KIAA0825: variants seen among roughly 807,000 people sequenced by gnomAD.
KIAA0825 encodes the protein KIAA0825, also known as uncharacterized protein KIAA0825.
A neutral mutation model predicts 147.6 loss-of-function variants in KIAA0825; 119 were observed. The ratio of observed to expected loss-of-function variants is 0.81; its 90% CI spans 0.69 to 0.94. KIAA0825 has a LOEUF of 0.94. Ranked by LOEUF, KIAA0825 falls within the 40% of genes least tolerant of loss-of-function variation. The pLI is 0.00. For missense variants in KIAA0825, 1,381 were observed against 1,472.7 expected (o/e 0.94, Z 1.02); for synonymous variants, 470 against 518.1 (o/e 0.91, Z 1.26).
chr5:94,459,812 G>A (rs1354014086), intron 12 of KIAA0825, among the ~76,000 whole-genome samples: 4 of 151,770 alleles, frequency 2.6e-5, no homozygotes, highest in South Asian at 4.2e-4. Context: ...CAAAACATTC[G>A]GGTAAATATA....
At chr5:94,215,293 A>G (rs533678992) in intron 20 of KIAA0825, among the ~76,000 whole-genome samples, 21 of 152,340 alleles carry the variant, frequency 1.4e-4, no homozygotes, top group African/African-American at 3.8e-4. Flanking sequence ...CCAAGTGTGC[A>G]TAATGCAGAA....
intron 20 of KIAA0825, among the ~76,000 whole-genome samples, chr5:94,367,366 C>T (rs547782525): frequency 6.6e-6 from 1 of 152,074 alleles, no homozygotes; most frequent in Non-Finnish European, 1.5e-5. Flanking sequence ...GACGTGGTGG[C>T]GGGCGCCTGT....
intron 2 of KIAA0825, among the ~76,000 whole-genome samples, chr5:94,553,691 G>C (rs1333340088): frequency 1.3e-5 from 2 of 151,604 alleles, no homozygotes; most frequent in Non-Finnish European, 2.9e-5. Context: ...GCTTGAACCT[G>C]GGAGGCGGAG....
At chr5:94,562,242 T>A (rs1028238158) in intron 2 of KIAA0825, among the ~76,000 whole-genome samples, 3 of 152,264 alleles carry the variant, frequency 2.0e-5, no homozygotes, top group Non-Finnish European at 4.4e-5. Flanking sequence ...AATAGAAGTA[T>A]AATTTGTCAG....
At chr5:94,617,851 G>C (rs1790979894) in intron 1 of KIAA0825, 2 of 152,196 alleles carry the variant, frequency 1.3e-5, no homozygotes, top group African/African-American at 4.8e-5. Context: ...AAAGCCTGGA[G>C]CAGAACGCAA....
chr5:94,337,921 C>T (rs1383389359), intron 20 of KIAA0825, among the ~76,000 whole-genome samples: 6 of 152,152 alleles, frequency 3.9e-5, no homozygotes, highest in Admixed American at 3.3e-4. Flanking sequence ...CTGGATAGGA[C>T]CTGGGTAGAC....
rs376255027 is a variant in KIAA0825 at position 94,403,782 on chromosome 5, C to T, written c.2674G>A (p.Val892Met). The change falls in exon 16 of 21, where the codon GTG (valine) becomes ATG (methionine). Residue 892 changes from valine (V) to methionine (M), a missense_variant. Physicochemically the swap from Val to Met is conservative, Grantham distance 21 (BLOSUM62 1). Transcript: ENST00000682413. ...CGGATGACCTCTAGCTCGTACTCCA[C>T]GCACGTTGAGACTTTAAAATCAGAT... ...FLYNIPVSTCVEYELEVIRCL... is the reference protein window; with the variant it reads ...FLYNIPVSTCMEYELEVIRCL... 1.7e-4 allele frequency: 267 copies of T among 1,551,210 alleles called. No individual in the cohort carries two copies. Among genetic ancestry groups the T allele is most frequent in the Non-Finnish European group, 2.0e-4 (235 of 1,146,786 alleles).
At chr5:94,357,202 T>G (rs1784384159) in intron 20 of KIAA0825, among the ~76,000 whole-genome samples, 1 of 152,136 alleles carries the variant, frequency 6.6e-6, no homozygotes, top group African/African-American at 2.4e-5. Context: ...CATTTCCTTA[T>G]GAATGAAATC....
chr5:94,419,812 G>A (rs1584439967), intron 14 of KIAA0825, among the ~76,000 whole-genome samples: 1 of 152,290 alleles, frequency 6.6e-6, no homozygotes, highest in South Asian at 2.1e-4. Context: ...ATCTGAGTTT[G>A]CCTGGGCAGT....
chr5:94,554,715 ACTATATATAT>A (rs1445602681), intron 2 of KIAA0825, among the ~76,000 whole-genome samples: 10 of 75,362 alleles, frequency 1.3e-4, no homozygotes, highest in East Asian at 9.2e-4. Context: ...TGTTCTGTGT[ACTATATATAT>A]ATATATATAT....
chr5:94,497,091 A>G (rs1562559680), intron 5 of KIAA0825, among the ~76,000 whole-genome samples: 1 of 152,202 alleles, frequency 6.6e-6, no homozygotes. Context: ...AACTTTATAT[A>G]TGTTGTTTCC....
intron 13 of KIAA0825, among the ~76,000 whole-genome samples, chr5:94,442,327 A>G (rs1757184217): frequency 6.6e-6 from 1 of 152,176 alleles, no homozygotes; most frequent in Non-Finnish European, 1.5e-5. Context: ...CTCTGATAAC[A>G]TATCTCAAAT....
At chr5:94,468,315 C>T (rs1017650984) in intron 10 of KIAA0825, among the ~76,000 whole-genome samples, 6 of 152,148 alleles carry the variant, frequency 3.9e-5, no homozygotes, top group South Asian at 2.1e-4. Context: ...CTGTTCTTCA[C>T]GGAAAACATC....
chr5:94,404,799 A>G (rs1584394726), intron 15 of KIAA0825, among the ~76,000 whole-genome samples: 1 of 152,324 alleles, frequency 6.6e-6, no homozygotes, highest in South Asian at 2.1e-4. Context: ...TACCTGCATC[A>G]TTATCTAATT....
chr5:94,168,559 C>A (rs1165135753), intron 20 of KIAA0825, among the ~76,000 whole-genome samples: 1 of 152,148 alleles, frequency 6.6e-6, no homozygotes, highest in Non-Finnish European at 1.5e-5. Context: ...GCACAGCCAT[C>A]AGTAGTAATG....
At chr5:94,463,487 T>C (rs1760088693) in intron 11 of KIAA0825, among the ~76,000 whole-genome samples, 1 of 150,902 alleles carries the variant, frequency 6.6e-6, no homozygotes, top group Non-Finnish European at 1.5e-5. Context: ...GAATCAATAA[T>C]AGCCTTTATA....
At chr5:94,510,524 AC>A (rs1270549195) in intron 5 of KIAA0825, among the ~76,000 whole-genome samples, 3 of 152,226 alleles carry the variant, frequency 2.0e-5, no homozygotes, top group Admixed American at 6.5e-5. Flanking sequence ...CAACATACTT[AC>A]TTACCCTACA....
chr5:94,313,716 A>T (rs1293300635), intron 20 of KIAA0825, among the ~76,000 whole-genome samples: 1 of 151,060 alleles, frequency 6.6e-6, no homozygotes, highest in African/African-American at 2.4e-5. Context: ...CCTCCTGGGT[A>T]TCAGGAGACC....
chr5:94,179,457 AAG>A (rs1425821459), intron 20 of KIAA0825, among the ~76,000 whole-genome samples: 1 of 152,108 alleles, frequency 6.6e-6, no homozygotes, highest in Non-Finnish European at 1.5e-5. Flanking sequence ...TGAAGAACAA[AAG>A]AACTGTGCAT....
Sources: gnomAD v4.1 joint callset for allele counts (sites outside exome capture counted in the v4.1 genomes callset) on GRCh38, gnomAD v4.1.1 for gene constraint, MANE v1.5 for transcripts, NCBI Gene and HGNC (gene_info 2026-07-23, HGNC 2026-07-21) for gene names.